Variants in LRRC7 observed in about 807,000 individuals in gnomAD.
The protein encoded by LRRC7 is leucine rich repeat containing 7, also known as leucine-rich repeat-containing protein 7.
LRRC7 carries 23 observed loss-of-function variants against 175.7 expected under a neutral mutation model. The ratio of observed to expected loss-of-function variants is 0.13; its 90% CI spans 0.09 to 0.19. The LOEUF (loss-of-function observed/expected upper bound fraction) is 0.19, where lower values mean the gene tolerates loss of function less well. Among genes scored for constraint, LRRC7 ranks in the 10% least tolerant of loss-of-function variants. The pLI, the probability that LRRC7 is intolerant of heterozygous loss-of-function variation, is 1.00. For synonymous variants in LRRC7, 685 were observed against 680.9 expected, an observed-to-expected ratio of 1.01 and a Z score of -0.09; for missense variants, 1,354 against 1,904.7, an observed-to-expected ratio of 0.71 and a Z score of 5.38.
chr1:70,002,549 G>A (rs922403375), intron 11 of LRRC7, among the ~76,000 whole-genome samples: 1 of 152,088 alleles, frequency 6.6e-6, no homozygotes, highest in Non-Finnish European at 1.5e-5. Flanking sequence ...GGCTCCTTGA[G>A]GGCTGGATCA....
At chr1:70,015,799 G>T (rs565744866) in intron 13 of LRRC7, among the ~76,000 whole-genome samples, 6 of 152,114 alleles carry the variant, frequency 3.9e-5, no homozygotes, top group Non-Finnish European at 8.8e-5. Flanking sequence ...TTGCATGAAG[G>T]TCAAAAGAAC....
chr1:69,946,757 C>T (rs187999742), intron 8 of LRRC7, among the ~76,000 whole-genome samples: 1 of 151,986 alleles, frequency 6.6e-6, no homozygotes, highest in African/African-American at 2.4e-5. Context: ...CTTTTTTCAT[C>T]CATTCACTTT....
intron 3 of LRRC7, among the ~76,000 whole-genome samples, chr1:69,783,028 C>T (rs994362152): frequency 6.6e-6 from 1 of 152,206 alleles, no homozygotes; most frequent in Non-Finnish European, 1.5e-5. Flanking sequence ...CTTTTACATT[C>T]TAACTAAAAC....
chr1:70,079,806 A>C (rs1238214436), intron 24 of LRRC7, among the ~76,000 whole-genome samples: 1 of 152,178 alleles, frequency 6.6e-6, no homozygotes, highest in Non-Finnish European at 1.5e-5. Flanking sequence ...TGTAATTCTT[A>C]ATAGTTGTTG....
intron 7 of LRRC7, among the ~76,000 whole-genome samples, chr1:69,846,934 A>C (rs1418293296): frequency 1.3e-5 from 2 of 152,114 alleles, no homozygotes; most frequent in Admixed American, 1.3e-4. Flanking sequence ...CTTAAAAATA[A>C]TGTGTGATGC....
chr1:69,927,302 T>C (rs923270914), intron 7 of LRRC7, among the ~76,000 whole-genome samples: 7 of 152,154 alleles, frequency 4.6e-5, no homozygotes, highest in Admixed American at 2.0e-4. Context: ...TTGCTCTTCT[T>C]GGGGAGTATC....
At chr1:70,108,680 A>G (rs956329041) in intron 26 of LRRC7, among the ~76,000 whole-genome samples, 29 of 152,226 alleles carry the variant, frequency 1.9e-4, no homozygotes, top group African/African-American at 6.3e-4. Context: ...ACCATCTGCA[A>G]CAGTTATGAA....
chr1:69,736,750 G>A (rs894113358), intron 2 of LRRC7, among the ~76,000 whole-genome samples: 3 of 152,036 alleles, frequency 2.0e-5, no homozygotes, highest in East Asian at 1.9e-4. Flanking sequence ...ACCAGGCTGC[G>A]GGTTCTTTCT....
intron 8 of LRRC7, among the ~76,000 whole-genome samples, chr1:69,962,382 G>T (rs796751108): frequency 6.6e-6 from 1 of 152,206 alleles, no homozygotes; most frequent in Non-Finnish European, 1.5e-5. Flanking sequence ...ACTGTGGGTG[G>T]AAGTGTAAAT....
At chr1:69,964,609 T>G (rs1239999226) in intron 8 of LRRC7, among the ~76,000 whole-genome samples, 4 of 152,262 alleles carry the variant, frequency 2.6e-5, no homozygotes, top group Non-Finnish European at 5.9e-5. Flanking sequence ...TGTTCATTGA[T>G]AGATGAGTCA....
chr1:69,596,313 G>T (rs1279778088), intron 1 of LRRC7, among the ~76,000 whole-genome samples: 1 of 152,152 alleles, frequency 6.6e-6, no homozygotes, highest in Non-Finnish European at 1.5e-5. Flanking sequence ...GATTAAACCG[G>T]AACAAAACCC....
At chr1:69,997,915 TA>T (rs1209736197) in intron 11 of LRRC7, among the ~76,000 whole-genome samples, 1 of 152,172 alleles carries the variant, frequency 6.6e-6, no homozygotes, top group African/African-American at 2.4e-5. Flanking sequence ...GCTGGCCTCA[TA>T]AAATGAGTTA....
chr1:70,052,902 A>G, intron 22 of LRRC7, 124 bp from the exon 23 acceptor site: 1 of 956,070 alleles, frequency 1.0e-6, no homozygotes, highest in Non-Finnish European at 1.5e-6. Context: ...TTTGCAGTTC[A>G]GGATGTATGT....
intron 1 of LRRC7, among the ~76,000 whole-genome samples, chr1:69,644,350 A>G (rs1207437016): frequency 6.6e-6 from 1 of 152,034 alleles, no homozygotes; most frequent in African/African-American, 2.4e-5. Flanking sequence ...TGGTGCAAAC[A>G]CATTTACGGT....
chr1:69,585,307 A>G (rs1173874028), intron 1 of LRRC7, among the ~76,000 whole-genome samples: 2 of 152,172 alleles, frequency 1.3e-5, no homozygotes, highest in Non-Finnish European at 2.9e-5. Context: ...AAAGAATGAA[A>G]ATATGTAATC....
intron 5 of LRRC7, among the ~76,000 whole-genome samples, chr1:69,828,438 C>T (rs773534091): frequency 1.3e-5 from 2 of 152,016 alleles, no homozygotes; most frequent in African/African-American, 2.4e-5. Flanking sequence ...GAATTTGGTT[C>T]CATCAGTTTT....
intron 16 of LRRC7, 43 bp from the exon 17 acceptor site, chr1:70,023,083 T>C (rs1293598070): frequency 7.1e-7 from 1 of 1,401,912 alleles, no homozygotes; most frequent in African/African-American, 1.4e-5. Context: ...ATTGCTACAG[T>C]GCTCCTCTTT....
At chr1:69,712,272 G>A (rs914422023) in intron 2 of LRRC7, among the ~76,000 whole-genome samples, 3 of 151,276 alleles carry the variant, frequency 2.0e-5, no homozygotes, top group Non-Finnish European at 2.9e-5. Flanking sequence ...GTGCACACGC[G>A]CAAGTGCTTT....
intron 4 of LRRC7, among the ~76,000 whole-genome samples, chr1:69,811,747 A>C (rs1481536729): frequency 2.0e-5 from 3 of 152,028 alleles, no homozygotes; most frequent in African/African-American, 7.2e-5. Flanking sequence ...AGGGAGGGGA[A>C]CATCACACAC....
Sources: gnomAD v4.1 joint callset for allele counts (sites outside exome capture counted in the v4.1 genomes callset) on GRCh38, gnomAD v4.1.1 for gene constraint, MANE v1.5 for transcripts, NCBI Gene and HGNC (gene_info 2026-07-23, HGNC 2026-07-21) for gene names.